SLC39A6: variants seen among roughly 807,000 people sequenced by gnomAD.
SLC39A6 encodes solute carrier family 39 member 6, also known as zinc transporter ZIP6.
In SLC39A6, 51 loss-of-function variants were observed where a neutral mutation model predicts 63.5. The observed-to-expected ratio is 0.80, with a 90% CI of 0.64 to 1.01. The LOEUF (loss-of-function observed/expected upper bound fraction) is 1.01. Among genes scored for constraint, SLC39A6 ranks in the 50% least tolerant of loss-of-function variants. The pLI, the probability that SLC39A6 is intolerant of heterozygous loss-of-function variation, is 0.00. For synonymous variants in SLC39A6, 318 were observed against 324.7 expected, an observed-to-expected ratio of 0.98 and a Z score of 0.22; for missense variants, 805 against 927.8, an observed-to-expected ratio of 0.87 and a Z score of 1.72.
intron 1 of SLC39A6, among the ~76,000 whole-genome samples, chr18:36,127,227 A>G (rs189458634): frequency 1.9e-4 from 29 of 152,346 alleles, no homozygotes; most frequent in Admixed American, 1.8e-3. Flanking sequence ...AAACAACTGG[A>G]GAAGAGCTGA....
At chr18:36,123,133 G>A (rs967623485) in intron 4 of SLC39A6, among the ~76,000 whole-genome samples, 1 of 152,122 alleles carries the variant, frequency 6.6e-6, no homozygotes, top group Non-Finnish European at 1.5e-5. Context: ...AAACCTCCAA[G>A]TTTCTTGGGT....
chr18:36,111,685 A>G (rs2089300982), intron 8 of SLC39A6, among the ~76,000 whole-genome samples: 1 of 152,102 alleles, frequency 6.6e-6, no homozygotes, highest in African/African-American at 2.4e-5. Context: ...GGGTTTCACC[A>G]TGTTGACCAG....
At chr18:36,110,967 C>A in intron 9 of SLC39A6, 92 bp downstream of exon 9, 1 of 1,530,148 alleles carries the variant, frequency 6.5e-7, no homozygotes, top group Non-Finnish European at 8.8e-7. Context: ...TTCCTGCTCC[C>A]CCAAAAAGAG....
intron 6 of SLC39A6, among the ~76,000 whole-genome samples, chr18:36,115,373 C>T (rs571199078): frequency 5.4e-4 from 81 of 150,704 alleles, no homozygotes; most frequent in Admixed American, 2.6e-3. Flanking sequence ...ACCCGGGAGG[C>T]GGAGCTTGCA....
intron 5 of SLC39A6, among the ~76,000 whole-genome samples, chr18:36,119,930 A>ATCCT (rs1267646253): frequency 2.6e-5 from 4 of 152,162 alleles, no homozygotes; most frequent in African/African-American, 4.8e-5. Context: ...GAAAAGCTGT[A>ATCCT]TTTAGGTAAA....
chr18:36,120,644 G>C (rs569682270), intron 5 of SLC39A6, among the ~76,000 whole-genome samples: 16 of 152,190 alleles, frequency 1.1e-4, no homozygotes, highest in Non-Finnish European at 2.4e-4. Flanking sequence ...ACTATGAAAT[G>C]ATGGTAAGGA....
Position 36,126,726 on chromosome 18 carries a change from A to G in SLC39A6, c.282T>C (p.His94=). Residue 94 remains histidine, a synonymous_variant, in exon 2 of 10, where the codon CAT becomes CAC. Transcript: ENST00000269187. ...CGTGGTCTGAGTGATGGTCGTGGTC[A>G]TGGTGTATATGGATTCTTTTAATCT... ...IDKIKRIHIH[H]DHDHHSDHEH... The G allele has an allele frequency of 1.9e-6, 3 of 1,614,054 alleles. No individual in the cohort carries two copies. The highest frequency in any genetic ancestry group is 1.7e-6 in the Non-Finnish European group (2 of 1,179,918).
At chr18:36,110,977 G>C (rs2089295160) in intron 9 of SLC39A6, 82 bp downstream of exon 9, 3 of 1,556,826 alleles carry the variant, frequency 1.9e-6, no homozygotes, top group Non-Finnish European at 2.6e-6. Flanking sequence ...CCCAAAAAGA[G>C]AGAAAAAAAA....
chr18:36,111,499 T>G (rs1316023943), intron 8 of SLC39A6, among the ~76,000 whole-genome samples: 1 of 150,822 alleles, frequency 6.6e-6, no homozygotes, highest in Non-Finnish European at 1.5e-5. Flanking sequence ...TTTTCTTTTT[T>G]TTGAGACAGT....
chr18:36,119,256 C>T (rs1256881046), intron 5 of SLC39A6, among the ~76,000 whole-genome samples: 2 of 152,104 alleles, frequency 1.3e-5, no homozygotes, highest in Admixed American at 1.3e-4. Flanking sequence ...AAAAGATAAA[C>T]TCAGCATATT....
intron 6 of SLC39A6, among the ~76,000 whole-genome samples, chr18:36,115,978 T>C (rs2089341955): frequency 6.6e-6 from 1 of 152,206 alleles, no homozygotes; most frequent in Admixed American, 6.5e-5. Context: ...AGTACCATTT[T>C]GCGGTATTCC....
chr18:36,110,656 A>G (rs966973037), intron 9 of SLC39A6, among the ~76,000 whole-genome samples: 24 of 152,154 alleles, frequency 1.6e-4, no homozygotes, highest in African/African-American at 5.3e-4. Flanking sequence ...CTCCTGCCTC[A>G]GCCTCCCAAG....
At chr18:36,117,564 G>C (rs1335672350) in intron 5 of SLC39A6, among the ~76,000 whole-genome samples, 1 of 152,078 alleles carries the variant, frequency 6.6e-6, no homozygotes, top group African/African-American at 2.4e-5. Flanking sequence ...TTGAACAATG[G>C]TGTCTGTGTA....
chr18:36,117,534 T>C (rs1015795658), intron 5 of SLC39A6, among the ~76,000 whole-genome samples: 1 of 150,900 alleles, frequency 6.6e-6, no homozygotes, highest in Non-Finnish European at 1.5e-5. Context: ...GCAGCCTTTA[T>C]GTTGTGTAAA....
chr18:36,118,289 C>T (rs908399484), intron 5 of SLC39A6, among the ~76,000 whole-genome samples: 3 of 152,210 alleles, frequency 2.0e-5, no homozygotes, highest in African/African-American at 7.2e-5. Flanking sequence ...ATAAGCCCCA[C>T]AGTCTCTGTT....
intron 1 of SLC39A6, among the ~76,000 whole-genome samples, chr18:36,127,782 T>TG (rs1025155164): frequency 9.3e-5 from 14 of 149,908 alleles, no homozygotes; most frequent in Admixed American, 6.6e-5. Flanking sequence ...TTTAAAGTTT[T>TG]TTTTTTTTTT....
chr18:36,124,447 A>T, intron 3 of SLC39A6, 73 bp downstream of exon 3: 1 of 942,996 alleles, frequency 1.1e-6, no homozygotes, highest in Non-Finnish European at 1.6e-6. Context: ...AAATAGGCTG[A>T]TGCAAATCTA....
At position 36,112,574 on chromosome 18, in the gene SLC39A6, A is replaced by G; in HGVS notation, c.1851T>C (p.Ala617=). ...AACCACTTGATAAGCCTTCAGTAAA[A>G]GCAGCACCTGTGTAAAAATCAATCA... The part of the protein sequence containing the change: ...NFSDGLAIGA[A]FTEGLSSGLS... Residue 617 remains alanine, a synonymous_variant, in exon 8 of 10, where the codon GCT becomes GCC. Coordinates refer to ENST00000269187, the MANE Select transcript of SLC39A6 (RefSeq NM_012319.4). 3 of 1,613,254 alleles carry G rather than the reference A, an allele frequency of 1.9e-6. No homozygotes were observed. The highest frequency in any genetic ancestry group is 2.5e-6 in the Non-Finnish European group (3 of 1,179,334).
At chr18:36,127,133 G>GT (rs1314608575) in intron 1 of SLC39A6, 117 bp from the exon 2 acceptor site, 2 of 883,064 alleles carry the variant, frequency 2.3e-6, no homozygotes, top group Non-Finnish European at 3.4e-6. Context: ...AGCATCATGT[G>GT]GTGTGACCAG....
Sources: gnomAD v4.1 joint callset for allele counts (sites outside exome capture counted in the v4.1 genomes callset) on GRCh38, gnomAD v4.1.1 for gene constraint, MANE v1.5 for transcripts, NCBI Gene and HGNC (gene_info 2026-07-23, HGNC 2026-07-21) for gene names.